CLVS1: variants seen among roughly 807,000 people sequenced by gnomAD.
CLVS1 encodes clavesin 1.
A neutral mutation model predicts 33.1 loss-of-function variants in CLVS1; 10 were observed. The ratio of observed to expected loss-of-function variants is 0.30; its 90% confidence interval spans 0.19 to 0.51. The LOEUF (loss-of-function observed/expected upper bound fraction) is 0.51. Among genes scored for constraint, CLVS1 ranks in the 20% least tolerant of loss-of-function variants. CLVS1 has a pLI of 0.97. For synonymous variants in CLVS1, 163 were observed against 166.1 expected, an observed-to-expected ratio of 0.98 and a Z score of 0.14; for missense variants, 343 against 433.4, an observed-to-expected ratio of 0.79 and a Z score of 1.85.
At chr8:61,080,742 A>G (rs1489393149) in intron 1 of CLVS1, among the ~76,000 whole-genome samples, 3 of 152,244 alleles carry the variant, frequency 2.0e-5, no homozygotes, top group African/African-American at 4.8e-5. Context: ...AACTAGAAAT[A>G]TCATAGGTAG....
In CLVS1 at chr8:61,218,421, G is replaced by A. The variant is rs141168307; in HGVS notation, c.-151-81256G>A. 1.4e-3 allele frequency among the ~76,000 whole-genome samples: 215 copies of A among 152,214 alleles called. 2 individuals carry two copies. The Middle Eastern group carries it at 0.02, about 14-fold the overall frequency. ...AGGAAGAGAAAGTTAAACACCACAT[G>A]TTCTCACTTATACGTGGAAGCAAAA... On this transcript the variant is annotated intron_variant, in intron 2 of 2. Coordinates refer to the CLVS1 transcript ENST00000522621.
chr8:61,455,364 C>A (rs576567847), intron 4 of CLVS1, among the ~76,000 whole-genome samples: 5 of 152,242 alleles, frequency 3.3e-5, no homozygotes, highest in Admixed American at 1.3e-4. Flanking sequence ...CTCTCCATTT[C>A]CCCCTACTCT....
intron 3 of CLVS1, among the ~76,000 whole-genome samples, chr8:61,407,929 G>A (rs527770457): frequency 6.6e-6 from 1 of 152,234 alleles, no homozygotes; most frequent in Admixed American, 6.5e-5. Flanking sequence ...TTCACTGGAT[G>A]AGGATTTGTT....
intron 5 of CLVS1, among the ~76,000 whole-genome samples, chr8:61,478,066 C>T (rs1324215728): frequency 4.6e-5 from 7 of 152,182 alleles, no homozygotes; most frequent in African/African-American, 1.2e-4. Flanking sequence ...GCCTTCATTT[C>T]GTTATGTACC....
At chr8:61,257,530 G>T (rs1809109316) in intron 2 of CLVS1, among the ~76,000 whole-genome samples, 1 of 152,152 alleles carries the variant, frequency 6.6e-6, no homozygotes, top group Non-Finnish European at 1.5e-5. Context: ...TGCTTTTAAA[G>T]ACGGAGTGGT....
chr8:61,347,045 T>G (rs779193362), intron 2 of CLVS1, among the ~76,000 whole-genome samples: 1 of 152,182 alleles, frequency 6.6e-6, no homozygotes, highest in African/African-American at 2.4e-5. Flanking sequence ...TAATCCCCCA[T>G]GTTGTACAAC....
intron 1 of CLVS1, among the ~76,000 whole-genome samples, chr8:61,290,642 G>C (rs772807514): frequency 3.9e-5 from 6 of 152,206 alleles, no homozygotes; most frequent in Middle Eastern, 3.2e-3. Flanking sequence ...TTCACAACTT[G>C]ACGTACTCCC....
At chr8:61,328,331 T>C (rs1432436859) in intron 2 of CLVS1, among the ~76,000 whole-genome samples, 1 of 151,986 alleles carries the variant, frequency 6.6e-6, no homozygotes, top group Non-Finnish European at 1.5e-5. Flanking sequence ...AGAGAGGAAT[T>C]ATTGTTGTGT....
At chr8:61,118,197 T>C (rs908346066) in intron 1 of CLVS1, among the ~76,000 whole-genome samples, 2 of 152,032 alleles carry the variant, frequency 1.3e-5, no homozygotes, top group Non-Finnish European at 2.9e-5. Context: ...TAGTTGGTAT[T>C]TCTGTGGGAT....
chr8:61,317,849 T>C (rs896096084), intron 2 of CLVS1, among the ~76,000 whole-genome samples: 18 of 119,736 alleles, frequency 1.5e-4, no homozygotes, highest in African/African-American at 5.2e-4. Context: ...CTGTCTATTG[T>C]TACCATTGTA....
intron 2 of CLVS1, among the ~76,000 whole-genome samples, chr8:61,308,387 G>GTT (rs1810706567): frequency 1.3e-5 from 2 of 152,230 alleles, no homozygotes; most frequent in South Asian, 4.2e-4. Context: ...TGAGTGGTTA[G>GTT]ATGTTTCAAA....
intron 2 of CLVS1, among the ~76,000 whole-genome samples, chr8:61,349,803 A>C (rs1414603880): frequency 6.6e-6 from 1 of 152,156 alleles, no homozygotes; most frequent in Non-Finnish European, 1.5e-5. Context: ...AGTTTCACAC[A>C]GAAGGGATTG....
chr8:61,269,572 A>G (rs1351397279), intron 2 of CLVS1, among the ~76,000 whole-genome samples: 6 of 151,658 alleles, frequency 4.0e-5, no homozygotes, highest in Admixed American at 1.3e-4. Flanking sequence ...TGGTAGCTTG[A>G]TGGGGATGGC....
At chr8:61,106,856 T>C (rs1162708052) in intron 1 of CLVS1, among the ~76,000 whole-genome samples, 1 of 152,086 alleles carries the variant, frequency 6.6e-6, no homozygotes, top group Non-Finnish European at 1.5e-5. Context: ...TTACCATCTC[T>C]GGAGGCGGGC....
chr8:61,475,113 A>C (rs1220215661), intron 5 of CLVS1, among the ~76,000 whole-genome samples: 1 of 152,214 alleles, frequency 6.6e-6, no homozygotes, highest in Non-Finnish European at 1.5e-5. Flanking sequence ...ATGTCCCTAC[A>C]AAGGACATGA....
At chr8:61,367,515 T>C (rs1813261659) in intron 2 of CLVS1, among the ~76,000 whole-genome samples, 1 of 152,236 alleles carries the variant, frequency 6.6e-6, no homozygotes, top group African/African-American at 2.4e-5. Context: ...CTCCTTCTTG[T>C]AATTCCCAAG....
chr8:61,067,504 T>C lies in CLVS1; in HGVS notation c.-243+10274T>C, dbSNP rs1382137302. Among the ~76,000 whole-genome samples the C allele has an allele frequency of 2.7e-5, 4 of 149,826 alleles. 1 individual carries two copies. In the South Asian group the frequency reaches 6.2e-4, roughly 23 times the overall value. On this transcript the variant is annotated intron_variant, in intron 1 of 2. Coordinates refer to the CLVS1 transcript ENST00000522621. ...ATAATGATATATTAATAATATATAA[T>C]TATAAGTACGAGCCATAGCTATGAG...
chr8:61,409,633 G>T (rs1815139469), intron 3 of CLVS1, among the ~76,000 whole-genome samples: 1 of 152,236 alleles, frequency 6.6e-6, no homozygotes, highest in South Asian at 2.1e-4. Context: ...ACATCATTTT[G>T]CACATGTACA....
chr8:61,045,512 A>G, the CLVS1 span, among the ~76,000 whole-genome samples: 4 of 152,242 alleles, frequency 2.6e-5, no homozygotes, highest in Non-Finnish European at 2.9e-5. Flanking sequence ...AGAATAGTGG[A>G]AAAGCCTCCT....
Sources: allele counts gnomAD v4.1 joint callset (sites outside exome capture counted in the v4.1 genomes callset), GRCh38; gene constraint gnomAD v4.1.1; transcripts MANE v1.5; gene names NCBI Gene and HGNC (gene_info 2026-07-23, HGNC 2026-07-21).